MAPKAP1: variants seen among roughly 807,000 people sequenced by gnomAD.
MAPKAP1 encodes the protein MAPK associated protein 1.
A neutral mutation model predicts 65.7 loss-of-function variants in MAPKAP1; 20 were observed. That is an observed-to-expected ratio of 0.30 (90% CI 0.21 to 0.44). The LOEUF (loss-of-function observed/expected upper bound fraction) is 0.44. MAPKAP1 is among the 20% of genes least tolerant of loss of function. The probability of loss-of-function intolerance (pLI) is 1.00; values close to 1 mark genes in which losing one functional copy is unlikely to be tolerated. For synonymous variants in MAPKAP1, 222 were observed against 244.3 expected (o/e 0.91, Z 0.85); for missense variants, 423 against 648.0 (o/e 0.65, Z 3.77).
intron 7 of MAPKAP1, among the ~76,000 whole-genome samples, chr9:125,527,707 T>C (rs930508333): frequency 1.3e-5 from 2 of 152,168 alleles, no homozygotes; most frequent in Non-Finnish European, 2.9e-5. Flanking sequence ...CTACAGTAAC[T>C]TCCTCCTGCT....
chr9:125,622,538 C>G (rs1362166278), intron 4 of MAPKAP1, among the ~76,000 whole-genome samples: 4 of 151,500 alleles, frequency 2.6e-5, no homozygotes, highest in Non-Finnish European at 4.4e-5. Flanking sequence ...CTCTGCCCCC[C>G]GGATTCAAGC....
At chr9:125,478,967 C>T (rs947251201) in intron 9 of MAPKAP1, among the ~76,000 whole-genome samples, 6 of 152,106 alleles carry the variant, frequency 3.9e-5, no homozygotes, top group Non-Finnish European at 7.3e-5. Flanking sequence ...CACAATGATT[C>T]GCATGTAAGG....
intron 1 of MAPKAP1, among the ~76,000 whole-genome samples, chr9:125,697,413 A>G (rs1835418435): frequency 2.0e-5 from 3 of 152,136 alleles, no homozygotes; most frequent in Non-Finnish European, 2.9e-5. Flanking sequence ...TAATCTCACC[A>G]CCTATTTCTT....
chr9:125,606,657 T>G (rs1461216517), intron 4 of MAPKAP1, among the ~76,000 whole-genome samples: 1 of 152,134 alleles, frequency 6.6e-6, no homozygotes, highest in African/African-American at 2.4e-5. Flanking sequence ...AGGTTCTTTG[T>G]TTTCATTCTC....
At chr9:125,516,286 G>A (rs887429617) in intron 7 of MAPKAP1, among the ~76,000 whole-genome samples, 6 of 152,178 alleles carry the variant, frequency 3.9e-5, no homozygotes, top group Non-Finnish European at 8.8e-5. Flanking sequence ...TCACACAGCA[G>A]TCTTCAAGTC....
chr9:125,476,500 C>T (rs894596493), intron 9 of MAPKAP1, among the ~76,000 whole-genome samples: 8 of 152,076 alleles, frequency 5.3e-5, no homozygotes, highest in Admixed American at 3.9e-4. Context: ...CCTAAGAACA[C>T]GCATGTTCAG....
chr9:125,488,207 G>A (rs1242548946), intron 8 of MAPKAP1, among the ~76,000 whole-genome samples: 1 of 152,138 alleles, frequency 6.6e-6, no homozygotes, highest in Non-Finnish European at 1.5e-5. Context: ...CAACTGACAA[G>A]GGGCATGTCT....
Position 125,698,297 on chromosome 9 carries a change from ATAT to A in MAPKAP1, c.-70+8671_-70+8673del, listed in dbSNP as rs1835471903. ...ATACATAATATATATAAATATATAT[ATAT>A]ATATATATATATATATATATATATA... On this transcript the variant is annotated intron_variant, in intron 1 of 11. Coordinates refer to ENST00000265960, the MANE Select transcript of MAPKAP1 (RefSeq NM_001006617.3). Among the ~76,000 whole-genome samples the A allele has an allele frequency of 9.6e-3, 101 of 10,516 alleles. 1 individual carries two copies. Among genetic ancestry groups the A allele is most frequent in the African/African-American group, 0.038 (95 of 2,484 alleles). The allele number at this position is 10,516 out of a possible 152,430, so 6.9% of individuals were successfully genotyped here. A position where few individuals can be genotyped will look rare whatever the true frequency, so the allele number is the denominator to read the frequency against.
At chr9:125,492,488 A>C (rs1854771971) in intron 8 of MAPKAP1, among the ~76,000 whole-genome samples, 1 of 152,270 alleles carries the variant, frequency 6.6e-6, no homozygotes, top group Admixed American at 6.5e-5. Flanking sequence ...AAGGCTAATT[A>C]TAAATACTGT....
chr9:125,522,251 T>G (rs1829639752), intron 7 of MAPKAP1, among the ~76,000 whole-genome samples: 1 of 152,250 alleles, frequency 6.6e-6, no homozygotes, highest in Non-Finnish European at 1.5e-5. Context: ...CTTTTTTGCT[T>G]CTAATTTTAC....
chr9:125,472,332 T>C (rs572093231), intron 9 of MAPKAP1, among the ~76,000 whole-genome samples: 22 of 152,332 alleles, frequency 1.4e-4, no homozygotes, highest in Middle Eastern at 3.4e-3. Flanking sequence ...AGAAGATGTA[T>C]TAATAATAAG....
At chr9:125,488,026 C>A (rs531119088) in intron 8 of MAPKAP1, among the ~76,000 whole-genome samples, 1 of 152,228 alleles carries the variant, frequency 6.6e-6, no homozygotes, top group African/African-American at 2.4e-5. Flanking sequence ...AAATAACCAG[C>A]AAGGCTTGTC....
At chr9:125,593,432 C>T (rs1169105800) in intron 4 of MAPKAP1, among the ~76,000 whole-genome samples, 4 of 152,130 alleles carry the variant, frequency 2.6e-5, no homozygotes, top group African/African-American at 9.7e-5. Context: ...GAGGCTGAGA[C>T]GGATGGATTG....
chr9:125,576,764 G>C (rs1364571849), intron 5 of MAPKAP1, among the ~76,000 whole-genome samples: 3 of 152,328 alleles, frequency 2.0e-5, no homozygotes, highest in African/African-American at 2.4e-5. Flanking sequence ...CGAGTGATCC[G>C]CCAGCCTCGG....
In MAPKAP1 at chr9:125,457,545, G is replaced by A. The variant is rs577703574; in HGVS notation, c.1345+10427C>T. ...TTTGCATGTCTAGTAATTTTTAAGC[G>A]AATGCTGGACACTATCAATATTACA... is the stretch of plus-strand genomic sequence containing the variant. On this transcript the variant is annotated intron_variant, in intron 10 of 11. Transcript: ENST00000265960. 1.7e-3 allele frequency among the ~76,000 whole-genome samples: 253 copies of A among 152,296 alleles called. 1 individual carries two copies. The highest frequency in any genetic ancestry group is 2.6e-3 in the Non-Finnish European group (178 of 68,048).
At chr9:125,542,980 TCACACACA>T (rs745332639) in intron 7 of MAPKAP1, 71 bp downstream of exon 7, 2 of 935,402 alleles carry the variant, frequency 2.1e-6, no homozygotes, top group Non-Finnish European at 3.6e-6. Context: ...TAGCCAGCCA[TCACACACA>T]CACACCCCCT....
chr9:125,657,499 C>T (rs1834065155), intron 4 of MAPKAP1, 152 bp downstream of exon 4: 8 of 715,398 alleles, frequency 1.1e-5, no homozygotes, highest in South Asian at 4.6e-5. Flanking sequence ...CATACCTTTA[C>T]ATCAAGTCTT....
chr9:125,591,982 T>G (rs577582810), intron 4 of MAPKAP1, among the ~76,000 whole-genome samples: 14 of 152,324 alleles, frequency 9.2e-5, no homozygotes, highest in Admixed American at 7.8e-4. Flanking sequence ...GGAGGCATAT[T>G]TAGAGCACAG....
chr9:125,468,166 T>C (rs1027096259), intron 9 of MAPKAP1, 57 bp from the exon 10 acceptor site: 4 of 1,565,324 alleles, frequency 2.6e-6, no homozygotes, highest in African/African-American at 1.4e-5. Context: ...GTGTAAGTGA[T>C]TTCAGGGAAA....
Sources: allele counts gnomAD v4.1 joint callset (sites outside exome capture counted in the v4.1 genomes callset), GRCh38; gene constraint gnomAD v4.1.1; transcripts MANE v1.5; gene names NCBI Gene and HGNC (gene_info 2026-07-23, HGNC 2026-07-21).